TNFSF4: variants seen among roughly 807,000 people sequenced by gnomAD.
TNFSF4 encodes the protein tumor necrosis factor ligand superfamily member 4.
Under a neutral mutation model 7.3 loss-of-function variants are expected in TNFSF4, and 4 were observed. The ratio of observed to expected loss-of-function variants is 0.55; its 90% CI spans 0.27 to 1.25. TNFSF4 has a LOEUF of 1.25. TNFSF4 is among the 50% of genes most tolerant of loss of function. The pLI is 0.12. For synonymous variants in TNFSF4, 76 were observed against 83.7 expected, an observed-to-expected ratio of 0.91 and a Z score of 0.50; for missense variants, 181 against 208.8, an observed-to-expected ratio of 0.87 and a Z score of 0.82.
the TNFSF4 span, among the ~76,000 whole-genome samples, chr1:173,309,808 T>C: frequency 6.6e-6 from 1 of 151,962 alleles, no homozygotes; most frequent in African/African-American, 2.4e-5. Flanking sequence ...CATTTGGACC[T>C]GAAATTTTTT....
the TNFSF4 span, among the ~76,000 whole-genome samples, chr1:173,265,883 C>A: frequency 6.6e-6 from 1 of 152,138 alleles, no homozygotes; most frequent in Non-Finnish European, 1.5e-5. Flanking sequence ...GATATTGTAT[C>A]CTCCCTATTG....
At chr1:173,442,280 C>A in the TNFSF4 span, among the ~76,000 whole-genome samples, 1 of 152,110 alleles carries the variant, frequency 6.6e-6, no homozygotes, top group South Asian at 2.1e-4. Flanking sequence ...CAGACCAGGA[C>A]CGCCAGGATC....
At chr1:173,180,948 C>CA (rs1557874524), downstream of TNFSF4, among the ~76,000 whole-genome samples, 1 of 152,110 alleles carries the variant, frequency 6.6e-6, no homozygotes, top group Non-Finnish European at 1.5e-5. Flanking sequence ...CAATGCCTGG[C>CA]ATAGCATATA....
At chr1:173,341,049 C>T in the TNFSF4 span, among the ~76,000 whole-genome samples, 1 of 152,116 alleles carries the variant, frequency 6.6e-6, no homozygotes, top group Non-Finnish European at 1.5e-5. Flanking sequence ...CCTGACTTAA[C>T]TCTTCACTTC....
the TNFSF4 span, among the ~76,000 whole-genome samples, chr1:173,355,329 G>C: frequency 1.3e-5 from 2 of 152,144 alleles, no homozygotes; most frequent in Non-Finnish European, 2.9e-5. Flanking sequence ...AAAATCACAG[G>C]TTTGGAGGAT....
At chr1:173,234,274 T>C in the TNFSF4 span, among the ~76,000 whole-genome samples, 97 of 152,232 alleles carry the variant, frequency 6.4e-4, no homozygotes, top group African/African-American at 2.3e-3. Flanking sequence ...GTTAGGATGG[T>C]GATCATTAAA....
At chr1:173,271,706 T>C in the TNFSF4 span, among the ~76,000 whole-genome samples, 3 of 152,112 alleles carry the variant, frequency 2.0e-5, no homozygotes, top group Non-Finnish European at 4.4e-5. Flanking sequence ...CAACAGGTGC[T>C]GGAGAGGATG....
At chr1:173,322,780 C>G in the TNFSF4 span, among the ~76,000 whole-genome samples, 1 of 152,286 alleles carries the variant, frequency 6.6e-6, no homozygotes, top group South Asian at 2.1e-4. Context: ...CACGGAGCCT[C>G]GCTCACTGCT....
At chr1:173,229,529 G>T in the TNFSF4 span, among the ~76,000 whole-genome samples, 1 of 152,144 alleles carries the variant, frequency 6.6e-6, no homozygotes, top group African/African-American at 2.4e-5. Context: ...ATCAACTAAT[G>T]AGCAAAATAA....
At chr1:173,439,844 T>C in the TNFSF4 span, among the ~76,000 whole-genome samples, 8 of 151,896 alleles carry the variant, frequency 5.3e-5, no homozygotes, top group Non-Finnish European at 8.8e-5. Flanking sequence ...TTCAGAGGCT[T>C]GGGGGGAAGG....
chr1:173,382,684 A>G, the TNFSF4 span, among the ~76,000 whole-genome samples: 1 of 152,114 alleles, frequency 6.6e-6, no homozygotes, highest in Non-Finnish European at 1.5e-5. Flanking sequence ...ACTGATTCCT[A>G]TTCTTTTTCA....
the TNFSF4 span, among the ~76,000 whole-genome samples, chr1:173,350,589 A>G: frequency 6.6e-6 from 1 of 152,256 alleles, no homozygotes; most frequent in Non-Finnish European, 1.5e-5. Flanking sequence ...TAAGAGCTTA[A>G]CAGAACAAAG....
chr1:173,321,455 A>G, the TNFSF4 span, among the ~76,000 whole-genome samples: 1 of 152,214 alleles, frequency 6.6e-6, no homozygotes, highest in Non-Finnish European at 1.5e-5. Flanking sequence ...AAGCAATAGC[A>G]ACAAGAGCCA....
chr1:173,180,334 G>A (rs1021482538), downstream of TNFSF4, among the ~76,000 whole-genome samples: 1 of 152,154 alleles, frequency 6.6e-6, no homozygotes, highest in African/African-American at 2.4e-5. Context: ...AACGCTTGGT[G>A]AGAAGAAATG....
At chr1:173,205,301 G>C in intron 1 of TNFSF4, 3 of 1,612,124 alleles carry the variant, frequency 1.9e-6, no homozygotes, top group Non-Finnish European at 2.5e-6. Context: ...CTCCCCTAGA[G>C]ATCACTCACC....
At chr1:173,446,966 A>G in the TNFSF4 span, among the ~76,000 whole-genome samples, 1 of 152,170 alleles carries the variant, frequency 6.6e-6, no homozygotes, top group African/African-American at 2.4e-5. Context: ...TCCCCTTCAT[A>G]TATACATCTA....
At chr1:173,378,872 C>CT in the TNFSF4 span, among the ~76,000 whole-genome samples, 3 of 85,238 alleles carry the variant, frequency 3.5e-5, no homozygotes, top group Non-Finnish European at 7.7e-5. Flanking sequence ...CCACAAGAAC[C>CT]CCCCTCCCCC....
chr1:173,274,366 A>G, the TNFSF4 span, among the ~76,000 whole-genome samples: 1 of 152,102 alleles, frequency 6.6e-6, no homozygotes, highest in African/African-American at 2.4e-5. Flanking sequence ...TTGAACTTTT[A>G]TTCTTATATG....
chr1:173,314,749 T>A, the TNFSF4 span, among the ~76,000 whole-genome samples: 1 of 152,150 alleles, frequency 6.6e-6, no homozygotes, highest in African/African-American at 2.4e-5. Flanking sequence ...TTTCTTTGCA[T>A]CATGATGTAA....
Sources: gnomAD v4.1 joint callset for allele counts (sites outside exome capture counted in the v4.1 genomes callset) on GRCh38, gnomAD v4.1.1 for gene constraint, MANE v1.5 for transcripts, NCBI Gene and HGNC (gene_info 2026-07-23, HGNC 2026-07-21) for gene names.